The following ADAMTS9 variants were observed in gnomAD, a reference collection of about 807,000 sequenced individuals.
The protein encoded by ADAMTS9 is A disintegrin and metalloproteinase with thrombospondin motifs 9.
A neutral mutation model predicts 257.1 loss-of-function variants in ADAMTS9; 107 were observed. The ratio of observed to expected loss-of-function variants is 0.42; its 90% confidence interval spans 0.36 to 0.49. ADAMTS9 has a LOEUF of 0.49. ADAMTS9 is among the 20% of genes least tolerant of loss of function. The pLI is 0.03. For synonymous variants in ADAMTS9, 982 were observed against 880.9 expected, an observed-to-expected ratio of 1.11 and a Z score of -2.03; for missense variants, 2,353 against 2,469.1, an observed-to-expected ratio of 0.95 and a Z score of 1.00.
chr3:64,623,997 C>T (rs1445320502), intron 16 of ADAMTS9, among the ~76,000 whole-genome samples: 1 of 151,436 alleles, frequency 6.6e-6, no homozygotes, highest in Non-Finnish European at 1.5e-5. Flanking sequence ...CAGAGTTAGA[C>T]CAGTTATGGA....
At chr3:64,627,360 C>T (rs187349143) in intron 16 of ADAMTS9, among the ~76,000 whole-genome samples, 1 of 150,412 alleles carries the variant, frequency 6.6e-6, no homozygotes, top group East Asian at 2.0e-4. Context: ...TGGTTTGGCC[C>T]CAGACATCCT....
chr3:64,682,671 C>T (rs1203300276), intron 2 of ADAMTS9, among the ~76,000 whole-genome samples: 1 of 152,226 alleles, frequency 6.6e-6, no homozygotes, highest in Non-Finnish European at 1.5e-5. Context: ...ACATCAGCAG[C>T]TGCATCCGCA....
At chr3:64,621,080 C>A in intron 19 of ADAMTS9, 34 bp downstream of exon 19, 1 of 1,578,020 alleles carries the variant, frequency 6.3e-7, no homozygotes, top group Non-Finnish European at 8.6e-7. Flanking sequence ...TCTCACAATT[C>A]AGTAATAAAG....
intron 29 of ADAMTS9, chr3:64,565,531 T>C (rs533880836): frequency 1.3e-5 from 2 of 152,370 alleles, no homozygotes; most frequent in African/African-American, 4.8e-5. Flanking sequence ...AATGACTTGA[T>C]TGCATGAATT....
intron 8 of ADAMTS9, among the ~76,000 whole-genome samples, chr3:64,651,590 A>G (rs1291819198): frequency 6.6e-6 from 1 of 152,174 alleles, no homozygotes; most frequent in Non-Finnish European, 1.5e-5. Context: ...TCAAAAACTG[A>G]AGCCAAGAGC....
chr3:64,645,454 A>G (rs1427108802), intron 11 of ADAMTS9, among the ~76,000 whole-genome samples: 1 of 152,232 alleles, frequency 6.6e-6, no homozygotes, highest in Non-Finnish European at 1.5e-5. Context: ...CTGCAGGAGC[A>G]GAACAGAAAG....
intron 9 of ADAMTS9, chr3:64,650,012 C>T: frequency 2.2e-6 from 1 of 456,772 alleles, no homozygotes; most frequent in African/African-American, 2.0e-5. Flanking sequence ...AAATATACAC[C>T]TGTTACAACG....
intron 3 of ADAMTS9, among the ~76,000 whole-genome samples, chr3:64,673,760 C>A (rs1251478246): frequency 6.6e-6 from 1 of 151,898 alleles, no homozygotes; most frequent in African/African-American, 2.4e-5. Flanking sequence ...AAGATCCCCA[C>A]TTTTCAAAGA....
At chr3:64,526,342 A>G (rs1372804533) in intron 38 of ADAMTS9, among the ~76,000 whole-genome samples, 1 of 152,168 alleles carries the variant, frequency 6.6e-6, no homozygotes, top group Non-Finnish European at 1.5e-5. Flanking sequence ...AAAGAAAAAG[A>G]AAAACAGTGC....
chr3:64,530,526 TAAAAAAA>T (rs55726329), intron 38 of ADAMTS9, among the ~76,000 whole-genome samples: 1 of 116,606 alleles, frequency 8.6e-6, no homozygotes, highest in African/African-American at 3.2e-5. Flanking sequence ...CACCAAGATT[TAAAAAAA>T]AAAAAAAAAA....
At chr3:64,596,748 C>A (rs1161692038) in intron 27 of ADAMTS9, 82 bp downstream of exon 27, 1 of 1,542,022 alleles carries the variant, frequency 6.5e-7, no homozygotes. Context: ...TAGTTCTTCT[C>A]CTTGAAAATA....
At chr3:64,517,416 G>GTTGTTTTTT (rs2082789208) in intron 39 of ADAMTS9, among the ~76,000 whole-genome samples, 1 of 52,638 alleles carries the variant, frequency 1.9e-5, no homozygotes, top group East Asian at 6.9e-4. Context: ...ATTAAAAATG[G>GTTGTTTTTT]TTTTTTTTTT....
intron 3 of ADAMTS9, among the ~76,000 whole-genome samples, chr3:64,663,193 A>G (rs1212635838): frequency 6.6e-6 from 1 of 152,152 alleles, no homozygotes; most frequent in Non-Finnish European, 1.5e-5. Flanking sequence ...TGATGATTAT[A>G]CATATCTGTG....
In ADAMTS9 at chr3:64,616,087, C is replaced by A; in HGVS notation, c.2897G>T (p.Ser966Ile). 6.2e-7 allele frequency: 1 copy of A among 1,614,150 alleles called. No homozygotes were observed. Among genetic ancestry groups the A allele is most frequent in the Non-Finnish European group, 8.5e-7 (1 of 1,180,010 alleles). Residue 966 changes from serine (S) to isoleucine (I), a missense_variant, in exon 20 of 40, where the codon AGC (serine) becomes ATC (isoleucine). Physicochemically the swap from Ser to Ile is moderately radical, Grantham distance 142. Transcript: ENST00000498707. ...RTLDIYCAKY[S>I]RLDGKTEKVD... is the part of the protein sequence containing the mutation. ...CTTCTCAGTCTTCCCATCCAGCCTGCTATATTTGGCACAGTAGATGTCCAA... is the reference window on the plus strand; with the variant it reads ...CTTCTCAGTCTTCCCATCCAGCCTGATATATTTGGCACAGTAGATGTCCAA...
intron 31 of ADAMTS9, among the ~76,000 whole-genome samples, chr3:64,549,679 A>G (rs1021419382): frequency 1.3e-5 from 2 of 152,032 alleles, no homozygotes; most frequent in Non-Finnish European, 2.9e-5. Context: ...CTGTATTGTG[A>G]GGGCTGCCCT....
At chr3:64,646,911 C>T (rs1454899168) in intron 11 of ADAMTS9, among the ~76,000 whole-genome samples, 4 of 152,044 alleles carry the variant, frequency 2.6e-5, no homozygotes, top group Non-Finnish European at 5.9e-5. Flanking sequence ...CATTGTGAGA[C>T]AAGAAACTGA....
intron 28 of ADAMTS9, among the ~76,000 whole-genome samples, chr3:64,591,439 C>CA (rs1165135280): frequency 0.033 from 4,576 of 138,420 alleles, 197 homozygotes; most frequent in African/African-American, 0.11. Context: ...CACTCTGTCT[C>CA]AAAAAAAAAA....
At chr3:64,604,184 G>A in intron 24 of ADAMTS9, 43 bp downstream of exon 24, 1 of 1,599,816 alleles carries the variant, frequency 6.3e-7, no homozygotes, top group Non-Finnish European at 8.5e-7. Flanking sequence ...GAGAATGTTA[G>A]CCCCCATCCT....
At chr3:64,543,703 G>A (rs1452976174) in intron 32 of ADAMTS9, among the ~76,000 whole-genome samples, 1 of 152,106 alleles carries the variant, frequency 6.6e-6, no homozygotes, top group Non-Finnish European at 1.5e-5. Flanking sequence ...TTTGAAAATT[G>A]GCACAAGACA....
Sources: allele counts gnomAD v4.1 joint callset (sites outside exome capture counted in the v4.1 genomes callset), GRCh38; gene constraint gnomAD v4.1.1; transcripts MANE v1.5; gene names NCBI Gene and HGNC (gene_info 2026-07-23, HGNC 2026-07-21).